The following ANK1 variants were observed in gnomAD, a reference collection of about 807,000 sequenced individuals.
ANK1 encodes the protein ankyrin 1, also known as ankyrin-1.
Under a neutral mutation model 210.4 loss-of-function variants are expected in ANK1, and 51 were observed. The ratio of observed to expected loss-of-function variants is 0.24; its 90% CI spans 0.19 to 0.31. The LOEUF (loss-of-function observed/expected upper bound fraction) is 0.31, where lower values mean the gene tolerates loss of function less well. ANK1 is among the 10% of genes least tolerant of loss of function. The probability of loss-of-function intolerance (pLI) is 1.00; values close to 1 mark genes in which losing one functional copy is unlikely to be tolerated. For synonymous variants in ANK1, 967 were observed against 1,025.9 expected (o/e 0.94, Z 1.10); for missense variants, 2,051 against 2,504.4 (o/e 0.82, Z 3.86).
chr8:41,686,812 A>G (rs72638982), intron 35 of ANK1, among the ~76,000 whole-genome samples: 13,886 of 152,276 alleles, frequency 0.091, 1,062 homozygotes, highest in African/African-American at 0.21. Flanking sequence ...TCCCATCTAA[A>G]TGCAAGGCAA....
At chr8:41,877,170 C>T (rs920471805) in intron 1 of ANK1, among the ~76,000 whole-genome samples, 1 of 152,212 alleles carries the variant, frequency 6.6e-6, no homozygotes, top group African/African-American at 2.4e-5. Flanking sequence ...GGAACTTCCA[C>T]ACTGTCATAG....
At chr8:41,748,940 C>T (rs942172468) in intron 2 of ANK1, among the ~76,000 whole-genome samples, 4 of 151,854 alleles carry the variant, frequency 2.6e-5, no homozygotes, top group Admixed American at 6.6e-5. Context: ...GGGGCTGAGG[C>T]AGGAGAATGG....
chr8:41,771,167 A>G (rs1305772231), intron 1 of ANK1, among the ~76,000 whole-genome samples: 1 of 152,214 alleles, frequency 6.6e-6, no homozygotes, highest in Admixed American at 6.5e-5. Context: ...CACAGAAAGA[A>G]CTTTCCAGCT....
In ANK1 at chr8:41,786,787, G is replaced by T. The variant is rs969922193; in HGVS notation, c.27+10725C>A. 2.6e-5 allele frequency among the ~76,000 whole-genome samples: 4 copies of T among 152,290 alleles called. No homozygotes were observed. In the East Asian group the frequency reaches 7.7e-4, roughly 29 times the overall value. On this transcript the variant is annotated intron_variant, in intron 1 of 42. Coordinates refer to ENST00000289734, the MANE Select transcript of ANK1 (RefSeq NM_000037.4). Reference sequence around the variant, plus strand: ...AGGAAAACTATCTCGATGGAGCCTGGAAATTCAAGCCTCCCGATTTGCCAG... The same window carrying T: ...AGGAAAACTATCTCGATGGAGCCTGTAAATTCAAGCCTCCCGATTTGCCAG...
intron 38 of ANK1, among the ~76,000 whole-genome samples, chr8:41,669,216 C>A (rs1039723766): frequency 6.6e-6 from 1 of 151,944 alleles, no homozygotes; most frequent in Non-Finnish European, 1.5e-5. Context: ...CTACACTCAG[C>A]GTGCCTGGAT....
intron 23 of ANK1, 85 bp downstream of exon 23, chr8:41,699,367 G>T: frequency 7.7e-7 from 1 of 1,298,250 alleles, no homozygotes; most frequent in Non-Finnish European, 1.1e-6. Flanking sequence ...GGCCTGCTGT[G>T]TCCTTCCTCC....
At chr8:41,890,314 C>T (rs1819167811) in intron 1 of ANK1, among the ~76,000 whole-genome samples, 1 of 152,184 alleles carries the variant, frequency 6.6e-6, no homozygotes, top group Non-Finnish European at 1.5e-5. Flanking sequence ...GCAGCCGACT[C>T]CATGCCAGTG....
At chr8:41,803,445 C>G (rs1433260400) in intron 1 of ANK1, 1 of 152,088 alleles carries the variant, frequency 6.6e-6, no homozygotes, top group Non-Finnish European at 1.5e-5. Context: ...ACTTGACTAG[C>G]CTTCAAAAAA....
At chr8:41,836,909 G>A (rs1260636799) in intron 1 of ANK1, among the ~76,000 whole-genome samples, 1 of 148,224 alleles carries the variant, frequency 6.7e-6, no homozygotes. Context: ...AACAGAGTAA[G>A]AAGCTATCTC....
chr8:41,810,122 A>T (rs1437698360), intron 1 of ANK1, among the ~76,000 whole-genome samples: 1 of 152,228 alleles, frequency 6.6e-6, no homozygotes, highest in Non-Finnish European at 1.5e-5. Context: ...AGTTTAAAAC[A>T]TTAAAACATC....
In ANK1 at chr8:41,839,728, A is replaced by G. The variant is rs551431521; in HGVS notation, c.126+56627T>C. ...AGGGGTCATCTGTCAAGGTGGCCAA[A>G]GACAAGGAAAATCTGAGACACCGTC... On this transcript the variant is annotated intron_variant, in intron 1 of 42. Transcript: ENST00000265709. Among the ~76,000 whole-genome samples the G allele has an allele frequency of 2.6e-5, 4 of 152,330 alleles. No individual in the cohort carries two copies. In the South Asian group the frequency reaches 6.2e-4, roughly 24 times the overall value.
At position 41,668,396 on chromosome 8, in the gene ANK1, C is replaced by G. The variant is rs750625; in HGVS notation, c.5265G>C (p.Val1755=). 6.2e-7 allele frequency: 1 copy of G among 1,614,024 alleles called. No individual in the cohort carries two copies. The highest frequency in any genetic ancestry group is 1.3e-5 in the African/African-American group (1 of 74,918). ...GGSQEYEKVL[V]SVSEHTWTEQ... is the part of the protein sequence containing the mutation. ...CTGTCCACGTGTGCTCACTTACAGACACCAGGACCTTCTCGTACTCCTGAG... is the reference window on the plus strand; with the variant it reads ...CTGTCCACGTGTGCTCACTTACAGAGACCAGGACCTTCTCGTACTCCTGAG... The change falls in exon 39 of 43, where the codon GTG becomes GTC. Residue 1755 remains valine, a synonymous_variant. Transcript: ENST00000289734.
chr8:41,795,199 G>C (rs758326655), intron 1 of ANK1, among the ~76,000 whole-genome samples: 29 of 152,290 alleles, frequency 1.9e-4, no homozygotes, highest in Admixed American at 1.2e-3. Flanking sequence ...TTTGGGGTGA[G>C]AGGTGGCAAC....
intron 1 of ANK1, among the ~76,000 whole-genome samples, chr8:41,759,701 C>T (rs1044743534): frequency 1.3e-5 from 2 of 152,176 alleles, no homozygotes; most frequent in African/African-American, 2.4e-5. Context: ...ATTTTGGTAT[C>T]TACAGGGGGT....
intron 3 of ANK1, among the ~76,000 whole-genome samples, chr8:41,732,538 G>C (rs977393175): frequency 1.3e-5 from 2 of 151,726 alleles, no homozygotes; most frequent in Admixed American, 6.6e-5. Context: ...TCAGCTTCCC[G>C]AGTAGCTGGG....
rs28490030 is a variant in ANK1 at position 41,782,573 on chromosome 8, G to A, written c.27+14939C>T. ...TCCCCTAAACATTGTAGAGCCCTCC[G>A]TGCCCCCAGGTAATTCCTGACACCC... On this transcript the variant is annotated intron_variant, in intron 1 of 42. Coordinates refer to ENST00000289734, the MANE Select transcript of ANK1 (RefSeq NM_000037.4). Among the ~76,000 whole-genome samples, 1,053 of 152,180 alleles carry A rather than the reference G, an allele frequency of 6.9e-3. 19 individuals carry two copies. Among genetic ancestry groups the A allele is most frequent in the African/African-American group, 0.024 (1,013 of 41,502 alleles).
At chr8:41,747,551 C>T (rs963548921) in intron 2 of ANK1, among the ~76,000 whole-genome samples, 4 of 152,194 alleles carry the variant, frequency 2.6e-5, no homozygotes, top group Non-Finnish European at 5.9e-5. Context: ...CTGTGTTTTG[C>T]TCACCTTGGT....
chr8:41,790,845 G>A (rs1467826703), intron 1 of ANK1, among the ~76,000 whole-genome samples: 1 of 152,192 alleles, frequency 6.6e-6, no homozygotes, highest in Non-Finnish European at 1.5e-5. Context: ...ACGCCGTGTA[G>A]ACAGAACATT....
Position 41,715,770 on chromosome 8 carries a change from T to C in ANK1, c.1484A>G (p.Asn495Ser), listed in dbSNP as rs142690258. ...CCCGGCGGTGGTGGCCAGGTTGGGG[T>C]TGGCGTTATTTTCCAGCAGGAGCTT... is the stretch of plus-strand genomic sequence containing the variant. Reference protein sequence around the residue: ...MVKLLLENNANPNLATTAGHT... With the variant: ...MVKLLLENNASPNLATTAGHT... The change falls in exon 14 of 43, where the codon AAC becomes AGC. Residue 495 changes from asparagine (N) to serine (S), a missense_variant. This residue lies in a region of ANK1 where 1,413 missense variants were observed against 1,707.4 expected (regional missense o/e 0.83). Transcript: ENST00000289734. 9.2e-4 allele frequency: 1,477 copies of C among 1,613,944 alleles called. 5 individuals are homozygous for C. Among genetic ancestry groups the C allele is most frequent in the Admixed American group, 9.5e-4 (57 of 60,014 alleles).
Sources: gnomAD v4.1 joint callset for allele counts (sites outside exome capture counted in the v4.1 genomes callset) on GRCh38, gnomAD v4.1.1 for gene constraint, gnomAD v4.1.1 regional missense constraint, MANE v1.5 for transcripts, NCBI Gene and HGNC (gene_info 2026-07-23, HGNC 2026-07-21) for gene names.